Variants in CSMD1 observed in about 807,000 individuals in gnomAD.
CSMD1 encodes the protein CUB and sushi domain-containing protein 1.
Under a neutral mutation model 417.5 loss-of-function variants are expected in CSMD1, and 213 were observed. That is an observed-to-expected ratio of 0.51 (90% CI 0.46 to 0.57). CSMD1 has a LOEUF of 0.57. Ranked by LOEUF, CSMD1 falls within the 20% of genes least tolerant of loss-of-function variation. The pLI, the probability that CSMD1 is intolerant of heterozygous loss-of-function variation, is 0.00. For missense variants in CSMD1, 6,923 were observed against 4,529.7 expected, an observed-to-expected ratio of 1.53 and a Z score of -15.17; for synonymous variants, 2,862 against 1,736.8, an observed-to-expected ratio of 1.65 and a Z score of -16.11.
At chr8:3,199,847 A>G (rs2116719356) in intron 32 of CSMD1, 38 bp from the exon 33 acceptor site, 1 of 1,292,970 alleles carries the variant, frequency 7.7e-7, no homozygotes, top group Non-Finnish European at 1.1e-6. Flanking sequence ...GAAAACACAC[A>G]GCACCGTGGG....
At chr8:3,124,060 G>A (rs897329635) in intron 41 of CSMD1, among the ~76,000 whole-genome samples, 12 of 152,084 alleles carry the variant, frequency 7.9e-5, no homozygotes, top group Non-Finnish European at 1.5e-4. Context: ...CAATGGCTGC[G>A]GGCTACTCTA....
chr8:3,818,265 AC>A (rs1353319037), intron 5 of CSMD1, among the ~76,000 whole-genome samples: 1 of 152,064 alleles, frequency 6.6e-6, no homozygotes, highest in Non-Finnish European at 1.5e-5. Context: ...CAGGTGCTTC[AC>A]CCTCTCTATT....
intron 3 of CSMD1, among the ~76,000 whole-genome samples, chr8:4,410,883 T>G (rs1796615742): frequency 6.6e-6 from 1 of 152,204 alleles, no homozygotes; most frequent in Non-Finnish European, 1.5e-5. Context: ...GAGGAGGGCT[T>G]AGAGGTTATA....
At chr8:4,151,698 C>G (rs1329577128) in intron 3 of CSMD1, among the ~76,000 whole-genome samples, 3 of 152,124 alleles carry the variant, frequency 2.0e-5, no homozygotes, top group Non-Finnish European at 4.4e-5. Context: ...AACTGATTTC[C>G]TCAAGCTCAC....
intron 1 of CSMD1, among the ~76,000 whole-genome samples, chr8:4,640,887 T>C (rs906191747): frequency 2.0e-5 from 3 of 148,526 alleles, no homozygotes; most frequent in Admixed American, 6.7e-5. Context: ...AAAAGTCTAA[T>C]GGTCTTCTTC....
At chr8:3,957,209 T>G (rs57061334) in intron 5 of CSMD1, among the ~76,000 whole-genome samples, 1 of 152,182 alleles carries the variant, frequency 6.6e-6, no homozygotes, top group African/African-American at 2.4e-5. Flanking sequence ...TTTCTCAAAA[T>G]GAGAAGACAG....
chr8:4,071,566 C>G (rs1164692380), intron 3 of CSMD1, among the ~76,000 whole-genome samples: 2 of 152,112 alleles, frequency 1.3e-5, no homozygotes, highest in Non-Finnish European at 1.5e-5. Context: ...CCGCTAATTC[C>G]AACATCTGTG....
intron 12 of CSMD1, among the ~76,000 whole-genome samples, chr8:3,430,228 C>G (rs1814131005): frequency 6.6e-6 from 1 of 152,096 alleles, no homozygotes; most frequent in Non-Finnish European, 1.5e-5. Flanking sequence ...GTAGGACTAT[C>G]TGCTATAAGG....
At chr8:4,359,624 T>A (rs546153722) in intron 3 of CSMD1, among the ~76,000 whole-genome samples, 1 of 152,328 alleles carries the variant, frequency 6.6e-6, no homozygotes, top group African/African-American at 2.4e-5. Flanking sequence ...TCAATGAACC[T>A]GTGTTTGAGT....
At chr8:4,033,875 G>C (rs367874705) in intron 3 of CSMD1, among the ~76,000 whole-genome samples, 2 of 152,146 alleles carry the variant, frequency 1.3e-5, no homozygotes, top group Non-Finnish European at 2.9e-5. Context: ...TCATTCAGTT[G>C]AATGGATGAA....
At chr8:3,670,426 A>C (rs189646026) in intron 7 of CSMD1, among the ~76,000 whole-genome samples, 12 of 150,768 alleles carry the variant, frequency 8.0e-5, no homozygotes, top group African/African-American at 2.9e-4. Flanking sequence ...TTAAAACCTA[A>C]TAAACTCCCC....
intron 3 of CSMD1, among the ~76,000 whole-genome samples, chr8:4,262,904 C>A (rs530316556): frequency 1.3e-5 from 2 of 152,136 alleles, no homozygotes; most frequent in Non-Finnish European, 2.9e-5. Context: ...TCACAGAAGT[C>A]ATCATTTAAA....
intron 1 of CSMD1, among the ~76,000 whole-genome samples, chr8:4,652,789 G>C (rs185853739): frequency 1.3e-5 from 2 of 152,098 alleles, no homozygotes; most frequent in African/African-American, 2.4e-5. Flanking sequence ...TTCTGTGAAG[G>C]GTGTGGGGAT....
intron 1 of CSMD1, chr8:4,787,896 T>G (rs985992506): frequency 4.6e-5 from 73 of 1,582,360 alleles, no homozygotes; most frequent in Non-Finnish European, 6.0e-5. Flanking sequence ...TTGAATTTGG[T>G]GTTGATGTAA....
rs549511320 is a variant in CSMD1 at position 4,645,444 on chromosome 8, C to CAAAAAAAAAAAAAAAAAAAA, written c.86-7906_86-7887dup. Among the ~76,000 whole-genome samples, 4 of 36,850 alleles carry CAAAAAAAAAAAAAAAAAAAA rather than the reference C, an allele frequency of 1.1e-4. 2 individuals are homozygous for CAAAAAAAAAAAAAAAAAAAA. Among genetic ancestry groups the CAAAAAAAAAAAAAAAAAAAA allele is most frequent in the Non-Finnish European group, 1.9e-4 (4 of 21,434 alleles). The allele number at this position is 36,850 out of a possible 152,430, so 24.2% of individuals were successfully genotyped here. ...CAAGACAGCAGGTGTAGTGCAGGGG[C>CAAAAAAAAAAAAAAAAAAAA]AAAAAAAAAAAAAAAAAAAAAAAGG... On this transcript the variant is annotated intron_variant, in intron 1 of 69. Transcript: ENST00000635120.
chr8:4,021,827 G>C (rs1020128776), intron 4 of CSMD1, among the ~76,000 whole-genome samples: 1 of 151,970 alleles, frequency 6.6e-6, no homozygotes. Context: ...CTAAAGACCC[G>C]GGGCTCTAGT....
At chr8:4,791,717 G>T (rs1262795258) in intron 1 of CSMD1, among the ~76,000 whole-genome samples, 1 of 152,140 alleles carries the variant, frequency 6.6e-6, no homozygotes, top group Non-Finnish European at 1.5e-5. Flanking sequence ...CAAGCCAATA[G>T]TTCAAGTATT....
Position 4,203,842 on chromosome 8 carries a change from G to C in CSMD1, c.416-171743C>G, listed in dbSNP as rs926745264. 2.6e-5 allele frequency among the ~76,000 whole-genome samples: 4 copies of C among 152,150 alleles called. No individual in the cohort carries two copies. In the East Asian group the frequency reaches 7.7e-4, roughly 29 times the overall value. On this transcript the variant is annotated intron_variant, in intron 3 of 69. Transcript: ENST00000635120. ...TGGTCAGGAGTCATGGCTCATACCT[G>C]TAATCCCAGCACTTTTGGAAGGCTG...
intron 3 of CSMD1, among the ~76,000 whole-genome samples, chr8:4,388,211 T>C (rs1803595825): frequency 6.6e-6 from 1 of 152,008 alleles, no homozygotes; most frequent in African/African-American, 2.4e-5. Context: ...GAAAAAGATA[T>C]TTGCACATGC....
Sources: allele counts gnomAD v4.1 joint callset (sites outside exome capture counted in the v4.1 genomes callset), GRCh38; gene constraint gnomAD v4.1.1; transcripts MANE v1.5; gene names NCBI Gene and HGNC (gene_info 2026-07-23, HGNC 2026-07-21).